The following UQCC1 variants were observed in gnomAD, a reference collection of about 807,000 sequenced individuals.
UQCC1 encodes the protein bFGF-repressed Zic-binding protein.
UQCC1 carries 38 observed loss-of-function variants against 48.0 expected under a neutral mutation model. The ratio of observed to expected loss-of-function variants is 0.79; its 90% CI spans 0.61 to 1.04. UQCC1 has a LOEUF of 1.04. UQCC1 is among the 50% of genes least tolerant of loss of function. UQCC1 has a pLI of 0.00. For missense variants in UQCC1, 368 were observed against 381.8 expected (o/e 0.96, Z 0.30); for synonymous variants, 111 against 129.2 (o/e 0.86, Z 0.95).
At chr20:35,380,180 C>G (rs1287204424) in intron 4 of UQCC1, among the ~76,000 whole-genome samples, 2 of 152,024 alleles carry the variant, frequency 1.3e-5, no homozygotes, top group Non-Finnish European at 2.9e-5. Context: ...GTTTGTAAAT[C>G]CAAATGCCAT....
At chr20:35,410,761 A>T (rs1310431158) in intron 1 of UQCC1, among the ~76,000 whole-genome samples, 5 of 141,156 alleles carry the variant, frequency 3.5e-5, no homozygotes, top group Non-Finnish European at 7.7e-5. Flanking sequence ...GGATTAAAAA[A>T]AAAAAAAAAA....
intron 7 of UQCC1, among the ~76,000 whole-genome samples, chr20:35,328,081 T>C (rs1568659535): frequency 1.3e-5 from 2 of 150,940 alleles, no homozygotes; most frequent in Admixed American, 6.6e-5. Flanking sequence ...CTTTATAGGG[T>C]AATTCTCTTT....
chr20:35,362,476 C>T (rs1600946189), intron 6 of UQCC1, among the ~76,000 whole-genome samples: 1 of 152,182 alleles, frequency 6.6e-6, no homozygotes, highest in East Asian at 1.9e-4. Context: ...CATGCTTTAG[C>T]CTCCTGAGTA....
chr20:35,341,218 C>CAAAAAAAAA (rs61675932), intron 7 of UQCC1, among the ~76,000 whole-genome samples: 3 of 115,824 alleles, frequency 2.6e-5, no homozygotes, highest in Admixed American at 8.5e-5. Context: ...GAGACTCCGT[C>CAAAAAAAAA]AAAAAAAAAA....
chr20:35,385,682 G>A (rs938460170), intron 2 of UQCC1, among the ~76,000 whole-genome samples: 1 of 151,954 alleles, frequency 6.6e-6, no homozygotes, highest in South Asian at 2.1e-4. Context: ...TTGTATTTTT[G>A]TAGAGACAGT....
At chr20:35,337,230 C>T (rs1280285756) in intron 7 of UQCC1, among the ~76,000 whole-genome samples, 1 of 151,738 alleles carries the variant, frequency 6.6e-6, no homozygotes, top group Non-Finnish European at 1.5e-5. Context: ...GCTCTGTCGC[C>T]CAGGCTAGAG....
chr20:35,316,176 T>C (rs1313259074), intron 7 of UQCC1, among the ~76,000 whole-genome samples: 1 of 152,168 alleles, frequency 6.6e-6, no homozygotes, highest in Non-Finnish European at 1.5e-5. Context: ...GTTTTGGAAA[T>C]AGCCAAAAGG....
chr20:35,314,975 C>G (rs985719145), intron 7 of UQCC1, among the ~76,000 whole-genome samples: 1 of 152,194 alleles, frequency 6.6e-6, no homozygotes, highest in Non-Finnish European at 1.5e-5. Flanking sequence ...TCAAATTACA[C>G]AAGTCAGCTT....
At position 35,314,770 on chromosome 20, in the gene UQCC1, A is replaced by G. The variant is rs769739355; in HGVS notation, c.574-5T>C. 1.3e-6 allele frequency: 2 copies of G among 1,584,326 alleles called. No homozygotes were observed. The highest frequency in any genetic ancestry group is 1.7e-6 in the Non-Finnish European group (2 of 1,158,406). On this transcript the variant is annotated splice_polypyrimidine_tract_variant and splice_region_variant and intron_variant, in intron 7 of 9. Transcript: ENST00000374385. ...CTTCAGGATATAGGGATTAACCTAC[A>G]GAAACAAATGGCAAAAACAAAAGTT... is the stretch of plus-strand genomic sequence containing the variant.
chr20:35,309,277 T>A, intron 8 of UQCC1: 1 of 426,440 alleles, frequency 2.3e-6, no homozygotes, highest in Non-Finnish European at 4.8e-6. Flanking sequence ...CAAAAAAATA[T>A]AAAAATTAGC....
At chr20:35,322,510 G>A (rs1288709936) in intron 7 of UQCC1, among the ~76,000 whole-genome samples, 2 of 152,096 alleles carry the variant, frequency 1.3e-5, no homozygotes, top group East Asian at 1.9e-4. Context: ...GAGGTGGGCC[G>A]ATAACCTGAG....
At chr20:35,318,847 G>T (rs1357953190) in intron 7 of UQCC1, among the ~76,000 whole-genome samples, 2 of 152,196 alleles carry the variant, frequency 1.3e-5, no homozygotes, top group Admixed American at 1.3e-4. Flanking sequence ...TCGCTCTGGT[G>T]AATCCCTGTT....
chr20:35,398,631 T>C (rs990405854), intron 1 of UQCC1, among the ~76,000 whole-genome samples: 2 of 152,012 alleles, frequency 1.3e-5, no homozygotes, highest in African/African-American at 4.8e-5. Context: ...GAGAGACAGT[T>C]ACTGGTGTTT....
intron 6 of UQCC1, among the ~76,000 whole-genome samples, chr20:35,350,259 C>T (rs1417185692): frequency 6.6e-6 from 1 of 152,112 alleles, no homozygotes; most frequent in East Asian, 1.9e-4. Flanking sequence ...TCCCAAAGCC[C>T]TGGGATTATA....
At chr20:35,400,526 C>T (rs564247366) in intron 1 of UQCC1, among the ~76,000 whole-genome samples, 27 of 148,520 alleles carry the variant, frequency 1.8e-4, no homozygotes, top group African/African-American at 6.3e-4. Flanking sequence ...GACGGAGTCT[C>T]GCTCCGTTGC....
Position 35,366,510 on chromosome 20 carries a change from T to A in UQCC1, c.464+47A>T, listed in dbSNP as rs374215069. ...AAGGCTATACCTTACAAGTCAGCAG[T>A]GTTTAAAAAAATACATTTGGTGACT... On this transcript the variant is annotated intron_variant, in intron 6 of 9. Transcript: ENST00000374385. 663 of 1,551,786 alleles carry A rather than the reference T, an allele frequency of 4.3e-4. 3 individuals are homozygous for A. The highest frequency in any genetic ancestry group is 1.4e-3 in the South Asian group (125 of 89,614).
At chr20:35,372,720 T>C (rs1432514120) in intron 5 of UQCC1, among the ~76,000 whole-genome samples, 1 of 152,012 alleles carries the variant, frequency 6.6e-6, no homozygotes, top group Non-Finnish European at 1.5e-5. Flanking sequence ...AATACAAAAC[T>C]TAGCTGGGCA....
At chr20:35,335,612 C>G (rs1202305407) in intron 7 of UQCC1, among the ~76,000 whole-genome samples, 2 of 151,980 alleles carry the variant, frequency 1.3e-5, no homozygotes, top group Admixed American at 6.6e-5. Flanking sequence ...TGAAATGTCC[C>G]AAATAGGTCA....
chr20:35,374,111 C>T (rs1205997248), intron 5 of UQCC1, 73 bp downstream of exon 5: 16 of 1,211,534 alleles, frequency 1.3e-5, no homozygotes, highest in Non-Finnish European at 1.6e-5. Context: ...AAAAACCTAT[C>T]CTATTAAAAC....
Sources: gnomAD v4.1 joint callset for allele counts (sites outside exome capture counted in the v4.1 genomes callset) on GRCh38, gnomAD v4.1.1 for gene constraint, MANE v1.5 for transcripts, NCBI Gene and HGNC (gene_info 2026-07-23, HGNC 2026-07-21) for gene names.